SLC22A2: variants seen among roughly 807,000 people sequenced by gnomAD.
SLC22A2 encodes the protein solute carrier family 22 member 2, also known as organic cation transporter 2.
SLC22A2 carries 46 observed loss-of-function variants against 60.5 expected under a neutral mutation model. The ratio of observed to expected loss-of-function variants is 0.76; its 90% CI spans 0.60 to 0.97. SLC22A2 has a LOEUF of 0.97. SLC22A2 is among the 50% of genes least tolerant of loss of function. SLC22A2 has a pLI of 0.00. For synonymous variants in SLC22A2, 303 were observed against 267.0 expected, an observed-to-expected ratio of 1.13 and a Z score of -1.31; for missense variants, 701 against 706.6, an observed-to-expected ratio of 0.99 and a Z score of 0.09.
intron 1 of SLC22A2, 95 bp downstream of exon 1, chr6:160,258,249 G>C: frequency 7.3e-7 from 1 of 1,371,170 alleles, no homozygotes; most frequent in Non-Finnish European, 9.9e-7. Context: ...AGATGTCCAG[G>C]CAGGGTTTAT....
intron 10 of SLC22A2, among the ~76,000 whole-genome samples, chr6:160,220,297 G>A (rs1041970731): frequency 6.6e-6 from 1 of 152,214 alleles, no homozygotes; most frequent in Admixed American, 6.5e-5. Context: ...CTCCTCATCT[G>A]TTCAAGTTTT....
intron 10 of SLC22A2, among the ~76,000 whole-genome samples, chr6:160,222,910 A>G (rs1353762781): frequency 2.0e-5 from 3 of 152,230 alleles, no homozygotes; most frequent in Non-Finnish European, 4.4e-5. Context: ...CTTTAAAAAA[A>G]TACTTTGTAG....
chr6:160,254,340 C>G (rs557358949), intron 2 of SLC22A2, among the ~76,000 whole-genome samples: 1 of 150,948 alleles, frequency 6.6e-6, no homozygotes, highest in Non-Finnish European at 1.5e-5. Flanking sequence ...TTAAAAAAAC[C>G]CTGGGATTGG....
intron 2 of SLC22A2, among the ~76,000 whole-genome samples, chr6:160,255,383 C>T (rs1783253855): frequency 6.6e-6 from 1 of 152,278 alleles, no homozygotes; most frequent in Admixed American, 6.5e-5. Flanking sequence ...ATCCTTAACA[C>T]ATTTGCAAGT....
At chr6:160,217,829 A>C (rs1782566070) in intron 10 of SLC22A2, 1 of 184,554 alleles carries the variant, frequency 5.4e-6, no homozygotes, top group African/African-American at 2.3e-5. Flanking sequence ...TGAAGATTGC[A>C]AAATCTTGTT....
rs192616001 is a variant in SLC22A2 at position 160,249,808 on chromosome 6, C to G, written c.674-424G>C. Among the ~76,000 whole-genome samples the G allele has an allele frequency of 4.5e-4, 69 of 152,284 alleles. 1 individual carries two copies. The East Asian group carries it at 0.012, about 27-fold the overall frequency. On this transcript the variant is annotated intron_variant, in intron 3 of 10. Transcript: ENST00000366953. ...TCTCTTACATGGGTTTAACATTTAT[C>G]TTGCAAGTCCTATTTGTTTATTTGT...
chr6:160,234,503 C>T (rs1782879628), intron 9 of SLC22A2, among the ~76,000 whole-genome samples: 1 of 152,238 alleles, frequency 6.6e-6, no homozygotes, highest in African/African-American at 2.4e-5. Flanking sequence ...GCCGCCCCAC[C>T]AGACAATGCT....
At chr6:160,218,645 G>C (rs936064647) in intron 10 of SLC22A2, among the ~76,000 whole-genome samples, 1 of 11,176 alleles carries the variant, frequency 8.9e-5, no homozygotes, top group African/African-American at 2.6e-4. Flanking sequence ...AGCAACAGCA[G>C]CAGCAACAAT....
At chr6:160,218,268 C>T (rs1031275322) in intron 10 of SLC22A2, 12 of 310,504 alleles carry the variant, frequency 3.9e-5, no homozygotes, top group Non-Finnish European at 6.3e-5. Flanking sequence ...GTCAGTTGAG[C>T]TCCTCTGGTC....
chr6:160,245,866 T>C (rs1783086785), intron 5 of SLC22A2, among the ~76,000 whole-genome samples: 1 of 148,852 alleles, frequency 6.7e-6, no homozygotes, highest in Non-Finnish European at 1.5e-5. Flanking sequence ...CCCAGCTTTT[T>C]TTTTTTTTTT....
Position 160,249,211 on chromosome 6 carries a change from C to A in SLC22A2, c.842+5G>T. 1.3e-6 allele frequency: 2 copies of A among 1,573,390 alleles called. No homozygotes were observed. Among genetic ancestry groups the A allele is most frequent in the Non-Finnish European group, 1.7e-6 (2 of 1,158,046 alleles). ...TTATTTCCTTTTTATTCCAAATGGA[C>A]TTACCAGTAATAGAGCAAGAAGAAG... On this transcript the variant is annotated splice_donor_5th_base_variant and intron_variant, in intron 4 of 10. Transcript: ENST00000366953.
intron 1 of SLC22A2, 64 bp downstream of exon 1, chr6:160,258,280 T>C: frequency 6.6e-7 from 1 of 1,523,674 alleles, no homozygotes; most frequent in Middle Eastern, 1.8e-4. Context: ...CCTTCCCTGC[T>C]TGCTTCCTTG....
At chr6:160,218,505 C>A (rs952405665) in intron 10 of SLC22A2, among the ~76,000 whole-genome samples, 8 of 152,374 alleles carry the variant, frequency 5.3e-5, no homozygotes, top group Admixed American at 5.2e-4. Context: ...ACAGCAGCAA[C>A]AATAGTAATA....
At chr6:160,228,349 G>A (rs948045141) in intron 9 of SLC22A2, among the ~76,000 whole-genome samples, 2 of 152,144 alleles carry the variant, frequency 1.3e-5, no homozygotes, top group Admixed American at 6.5e-5. Flanking sequence ...TTGGGTTAGA[G>A]GCCCAATTTA....
intron 4 of SLC22A2, among the ~76,000 whole-genome samples, chr6:160,247,943 T>C (rs955979051): frequency 6.6e-6 from 1 of 151,958 alleles, no homozygotes; most frequent in Admixed American, 6.6e-5. Flanking sequence ...AGTTATGGTG[T>C]AAATGTAGGA....
At chr6:160,247,408 A>G (rs1390394966) in intron 4 of SLC22A2, 110 bp from the exon 5 acceptor site, 1 of 661,192 alleles carries the variant, frequency 1.5e-6, no homozygotes, top group South Asian at 1.8e-5. Context: ...TGGATCTCCA[A>G]AGAAAATAAC....
At chr6:160,220,258 C>A (rs1782624697) in intron 10 of SLC22A2, among the ~76,000 whole-genome samples, 1 of 152,176 alleles carries the variant, frequency 6.6e-6, no homozygotes, top group South Asian at 2.1e-4. Context: ...CTCAAGAAAC[C>A]ACTTTCTAAG....
At chr6:160,255,459 A>T (rs1783254428) in intron 2 of SLC22A2, among the ~76,000 whole-genome samples, 1 of 152,238 alleles carries the variant, frequency 6.6e-6, no homozygotes, top group Admixed American at 6.5e-5. Flanking sequence ...TTATACTCAC[A>T]GGTTTGGATT....
At chr6:160,257,351 G>A (rs903314432) in intron 1 of SLC22A2, among the ~76,000 whole-genome samples, 5 of 152,278 alleles carry the variant, frequency 3.3e-5, no homozygotes, top group South Asian at 4.1e-4. Context: ...GGAATAAGAG[G>A]AGGTGGTCGG....
Sources: gnomAD v4.1 joint callset for allele counts (sites outside exome capture counted in the v4.1 genomes callset) on GRCh38, gnomAD v4.1.1 for gene constraint, MANE v1.5 for transcripts, NCBI Gene and HGNC (gene_info 2026-07-23, HGNC 2026-07-21) for gene names.